Variants in FAM120A observed in about 807,000 individuals in gnomAD.
FAM120A encodes constitutive coactivator of PPAR-gamma-like protein 1.
FAM120A carries 15 observed loss-of-function variants against 109.7 expected under a neutral mutation model. That is an observed-to-expected ratio of 0.14 (90% CI 0.09 to 0.21). The LOEUF (loss-of-function observed/expected upper bound fraction) is 0.21, where lower values mean the gene tolerates loss of function less well. Ranked by LOEUF, FAM120A falls within the 10% of genes least tolerant of loss-of-function variation. The pLI is 1.00. For synonymous variants in FAM120A, 493 were observed against 572.8 expected, an observed-to-expected ratio of 0.86 and a Z score of 1.99; for missense variants, 899 against 1,439.3, an observed-to-expected ratio of 0.62 and a Z score of 6.07.
intron 3 of FAM120A, among the ~76,000 whole-genome samples, chr9:93,481,452 T>C (rs781251766): frequency 9.8e-5 from 15 of 152,352 alleles, no homozygotes; most frequent in Admixed American, 5.9e-4. Flanking sequence ...CACTTGGGTG[T>C]TCTACATCCT....
chr9:93,452,495 C>T lies in FAM120A; in HGVS notation c.474+106C>T, dbSNP rs1343238646. The T allele has an allele frequency of 2.6e-6, 4 of 1,544,786 alleles. No individual in the cohort carries two copies. In the East Asian group the frequency reaches 7.2e-5, roughly 28 times the overall value. Reference sequence around the variant, plus strand: ...CCGGCCGTGGCGGCGCTGGGGGCAGCGAGTTCCCCCAGCCCTTGCCCGGGA... The same window carrying T: ...CCGGCCGTGGCGGCGCTGGGGGCAGTGAGTTCCCCCAGCCCTTGCCCGGGA... On this transcript the variant is annotated intron_variant, in intron 1 of 17. Transcript: ENST00000277165. The surrounding 1 kb of genome is among the most constrained non-coding windows in gnomAD (Gnocchi z 7.0).
intron 3 of FAM120A, among the ~76,000 whole-genome samples, chr9:93,477,177 C>T (rs895670811): frequency 2.6e-5 from 4 of 152,092 alleles, no homozygotes; most frequent in East Asian, 3.8e-4. Context: ...TGAATGTTGT[C>T]GTAATTACCC....
At chr9:93,481,420 C>T (rs1392384242) in intron 3 of FAM120A, among the ~76,000 whole-genome samples, 1 of 152,132 alleles carries the variant, frequency 6.6e-6, no homozygotes, top group Admixed American at 6.5e-5. Flanking sequence ...GGTTTTTAAA[C>T]ACTTTACAGA....
chr9:93,510,343 C>T (rs4744252), intron 5 of FAM120A, among the ~76,000 whole-genome samples: 42,406 of 152,088 alleles, frequency 0.28, 6,965 homozygotes, highest in East Asian at 0.42. Flanking sequence ...AACCTACACC[C>T]TCCTTTGAGC....
intron 5 of FAM120A, among the ~76,000 whole-genome samples, chr9:93,512,331 CGTAA>C (rs1354055481): frequency 6.6e-6 from 1 of 152,110 alleles, no homozygotes. Context: ...TGCATATAGG[CGTAA>C]GTGAGTCCTT....
Position 93,550,710 on chromosome 9 carries a change from T to TGA in FAM120A, c.2274+20_2274+21insAG. On this transcript the variant is annotated intron_variant, in intron 12 of 17. Transcript: ENST00000277165. ...GCTCAAGGTAATTTATCAGCCTCAT[T>TGA]GCATTGTCTTGGACAGTCTCACTTT... 6.3e-7 allele frequency: 1 copy of TGA among 1,587,452 alleles called. No homozygotes were observed. Among genetic ancestry groups the TGA allele is most frequent in the Non-Finnish European group, 8.6e-7 (1 of 1,157,136 alleles).
intron 10 of FAM120A, among the ~76,000 whole-genome samples, chr9:93,536,286 C>T (rs1309708162): frequency 1.3e-5 from 2 of 152,206 alleles, no homozygotes; most frequent in Non-Finnish European, 2.9e-5. Flanking sequence ...TGTGAAGGAT[C>T]GTTCTCCTCC....
chr9:93,555,675 C>A (rs921922838), intron 12 of FAM120A, among the ~76,000 whole-genome samples: 4 of 152,122 alleles, frequency 2.6e-5, no homozygotes, highest in Non-Finnish European at 5.9e-5. Flanking sequence ...GTGGGCTCTA[C>A]GTATAGAAGG....
intron 1 of FAM120A, among the ~76,000 whole-genome samples, chr9:93,464,825 A>C (rs1857943925): frequency 6.6e-6 from 1 of 152,222 alleles, no homozygotes; most frequent in Admixed American, 6.5e-5. Flanking sequence ...CCTGTAAGTA[A>C]GTGTTTTCAG....
chr9:93,493,796 G>T (rs1460040165), intron 3 of FAM120A, among the ~76,000 whole-genome samples: 1 of 152,226 alleles, frequency 6.6e-6, no homozygotes, highest in Non-Finnish European at 1.5e-5. Flanking sequence ...AGGAGCCAAA[G>T]GGCCACTCAG....
At chr9:93,551,864 C>G (rs1489014174) in intron 12 of FAM120A, among the ~76,000 whole-genome samples, 1 of 152,172 alleles carries the variant, frequency 6.6e-6, no homozygotes, top group East Asian at 1.9e-4. Flanking sequence ...TCAAGCTTTT[C>G]TGTTTGTTAG....
intron 1 of FAM120A, among the ~76,000 whole-genome samples, chr9:93,470,861 C>G (rs1588795713): frequency 1.3e-5 from 2 of 152,192 alleles, no homozygotes; most frequent in East Asian, 1.9e-4. Context: ...TATTTTCAAG[C>G]AAGGTGATCT....
Position 93,511,948 on chromosome 9 carries a change from T to G in FAM120A, c.1031-3719T>G, listed in dbSNP as rs541872429. On this transcript the variant is annotated intron_variant, in intron 5 of 17. Transcript: ENST00000277165. Reference sequence around the variant, plus strand: ...CTGGGGTTATAGGCGCCTGCCACCATGCCTGGCTAATTTTTTTATTTTTAG... The same window carrying G: ...CTGGGGTTATAGGCGCCTGCCACCAGGCCTGGCTAATTTTTTTATTTTTAG... 7.2e-5 allele frequency among the ~76,000 whole-genome samples: 11 copies of G among 152,302 alleles called. No individual in the cohort carries two copies. In the South Asian group the frequency reaches 2.3e-3, roughly 32 times the overall value.
chr9:93,464,866 G>A (rs913089933), intron 1 of FAM120A, among the ~76,000 whole-genome samples: 1 of 152,152 alleles, frequency 6.6e-6, no homozygotes, highest in African/African-American at 2.4e-5. Context: ...TTTGTTCTTC[G>A]AGGGGGTTCA....
Position 93,455,899 on chromosome 9 carries a change from G to A in FAM120A, c.474+3510G>A, listed in dbSNP as rs768215036. Among the ~76,000 whole-genome samples, 5 of 152,138 alleles carry A rather than the reference G, an allele frequency of 3.3e-5. No individual in the cohort carries two copies. In the South Asian group the frequency reaches 8.3e-4, roughly 25 times the overall value. On this transcript the variant is annotated intron_variant, in intron 1 of 17. Transcript: ENST00000277165. Reference sequence around the variant, plus strand: ...GCTGGTCTTGAGCTCCTGACCTCGTGATCCACCTGCCTCGGCCTCCCAAAG... The same window carrying A: ...GCTGGTCTTGAGCTCCTGACCTCGTAATCCACCTGCCTCGGCCTCCCAAAG...
At chr9:93,519,821 C>CA (rs1233768202) in intron 7 of FAM120A, among the ~76,000 whole-genome samples, 1 of 151,652 alleles carries the variant, frequency 6.6e-6, no homozygotes, top group South Asian at 2.1e-4. Context: ...AAAGAGACAA[C>CA]AAAAAAAGAA....
intron 3 of FAM120A, among the ~76,000 whole-genome samples, chr9:93,486,671 T>A (rs912247623): frequency 1.3e-5 from 2 of 152,064 alleles, no homozygotes; most frequent in African/African-American, 4.8e-5. Flanking sequence ...GTAGCTGGAA[T>A]TACAGGTGTG....
chr9:93,503,201 A>T (rs990260303), intron 5 of FAM120A, among the ~76,000 whole-genome samples: 2 of 152,242 alleles, frequency 1.3e-5, no homozygotes, highest in Admixed American at 6.5e-5. Context: ...AGCTTCGCAG[A>T]TATTTACAAA....
At chr9:93,516,536 A>G (rs1367442919) in intron 7 of FAM120A, among the ~76,000 whole-genome samples, 1 of 152,144 alleles carries the variant, frequency 6.6e-6, no homozygotes, top group Admixed American at 6.5e-5. Context: ...GAGGAATTTG[A>G]CAAGAACTGG....
Sources: allele counts gnomAD v4.1 joint callset (sites outside exome capture counted in the v4.1 genomes callset), GRCh38; gene constraint gnomAD v4.1.1; non-coding constraint Gnocchi (gnomAD v3.1); transcripts MANE v1.5; gene names NCBI Gene and HGNC (gene_info 2026-07-23, HGNC 2026-07-21).